The following MRPL13 variants were observed in gnomAD, a reference collection of about 807,000 sequenced individuals.
MRPL13 encodes large ribosomal subunit protein uL13m.
Under a neutral mutation model 29.0 loss-of-function variants are expected in MRPL13, and 33 were observed. The observed-to-expected ratio is 1.14, with a 90% CI of 0.86 to 1.52. MRPL13 has a LOEUF of 1.52. Among genes scored for constraint, MRPL13 ranks in the 40% most tolerant of loss-of-function variants. MRPL13 has a pLI of 0.00. For missense variants in MRPL13, 227 were observed against 216.7 expected (o/e 1.05, Z -0.30); for synonymous variants, 77 against 68.4 (o/e 1.13, Z -0.62).
At chr8:120,409,765 T>C (rs577802057) in intron 6 of MRPL13, among the ~76,000 whole-genome samples, 2 of 152,136 alleles carry the variant, frequency 1.3e-5, no homozygotes, top group Admixed American at 1.3e-4. Context: ...GAATGGGCAA[T>C]AGTACCCATA....
chr8:120,427,010 G>A (rs1313557685), intron 3 of MRPL13, among the ~76,000 whole-genome samples: 2 of 151,970 alleles, frequency 1.3e-5, no homozygotes, highest in South Asian at 2.1e-4. Context: ...AGAAGTAAAT[G>A]TTTATGAAAA....
rs140360132 is a variant in MRPL13 at position 120,411,821 on chromosome 8, A to T, written c.515+2170T>A. Reference sequence around the variant, plus strand: ...GCATCTAGTGGCTCTAAGTTTCTCTAAAAATCTCCTTAAAAATAGCTATAG... The same window carrying T: ...GCATCTAGTGGCTCTAAGTTTCTCTTAAAATCTCCTTAAAAATAGCTATAG... On this transcript the variant is annotated intron_variant, in intron 6 of 6. Coordinates refer to ENST00000306185, the MANE Select transcript of MRPL13 (RefSeq NM_014078.6). Among the ~76,000 whole-genome samples, 28 of 152,262 alleles carry T rather than the reference A, an allele frequency of 1.8e-4. No individual in the cohort carries two copies. The East Asian group carries it at 5.2e-3, about 28-fold the overall frequency.
chr8:120,437,920 C>T (rs904833254), intron 2 of MRPL13, among the ~76,000 whole-genome samples: 5 of 152,050 alleles, frequency 3.3e-5, no homozygotes, highest in African/African-American at 9.7e-5. Context: ...ATAATATTTG[C>T]TCAATAAATG....
chr8:120,414,005 T>C lies in MRPL13; in HGVS notation c.501A>G (p.Pro167=). 1 of 1,559,452 alleles carries C rather than the reference T, an allele frequency of 6.4e-7. No homozygotes were observed. The highest frequency in any genetic ancestry group is 8.6e-7 in the Non-Finnish European group (1 of 1,159,672). ...EYTQEEIDAF[P]RLWTPPEDYR... is the part of the protein sequence containing the mutation. ...GAAACACTTACGGAGTCCACAATCT[T>C]GGGAAGGCGTCTATTTCTTCTTGTG... Residue 167 remains proline (P), a synonymous_variant, in exon 6 of 7, where the codon CCA becomes CCG. Transcript: ENST00000306185.
intron 6 of MRPL13, among the ~76,000 whole-genome samples, chr8:120,412,807 CAG>C (rs1812754791): frequency 6.6e-6 from 1 of 152,246 alleles, no homozygotes; most frequent in Middle Eastern, 3.4e-3. Context: ...GGCATTCCAG[CAG>C]AGTTAGGAGC....
intron 3 of MRPL13, among the ~76,000 whole-genome samples, chr8:120,430,674 A>C (rs1009033497): frequency 2.0e-5 from 3 of 152,152 alleles, no homozygotes; most frequent in Non-Finnish European, 4.4e-5. Flanking sequence ...TGAAATAGCA[A>C]TATGTTGTCT....
chr8:120,399,179 A>T (rs1812559401), intron 6 of MRPL13, among the ~76,000 whole-genome samples: 1 of 152,166 alleles, frequency 6.6e-6, no homozygotes, highest in African/African-American at 2.4e-5. Flanking sequence ...AAGCAACTTC[A>T]AGACACATAA....
intron 3 of MRPL13, among the ~76,000 whole-genome samples, chr8:120,429,484 C>A (rs371544176): frequency 8.2e-5 from 12 of 146,800 alleles, no homozygotes; most frequent in African/African-American, 2.5e-4. Flanking sequence ...TGTAACTGAA[C>A]TTAAAAGTTA....
chr8:120,415,133 A>G (rs1230692726), intron 5 of MRPL13: 1 of 152,230 alleles, frequency 6.6e-6, no homozygotes, highest in East Asian at 1.9e-4. Context: ...GAACATTTAT[A>G]TTGTACTCAT....
At chr8:120,409,966 T>C (rs2130458086) in intron 6 of MRPL13, among the ~76,000 whole-genome samples, 1 of 152,274 alleles carries the variant, frequency 6.6e-6, no homozygotes, top group Admixed American at 6.5e-5. Flanking sequence ...TTTAAAATAA[T>C]TTAAATAAAA....
At chr8:120,421,239 G>A (rs956338604) in intron 4 of MRPL13, among the ~76,000 whole-genome samples, 6 of 151,540 alleles carry the variant, frequency 4.0e-5, no homozygotes, top group Non-Finnish European at 7.4e-5. Context: ...GAAAATATAA[G>A]GACATAGAAC....
chr8:120,395,896 A>T lies in MRPL13; in HGVS notation c.*208T>A, dbSNP rs145494211. 2.5e-4 allele frequency: 117 copies of T among 459,062 alleles called. No homozygotes were observed. Among genetic ancestry groups the T allele is most frequent in the Non-Finnish European group, 3.6e-4 (92 of 258,646 alleles). 28.4% of individuals were successfully genotyped at this position (459,062 alleles called of 1,614,324 possible). The stretch of plus-strand genomic sequence containing the variant: ...TTATCAACTATAACATTCAAATCAG[A>T]TTACATAAAAATGGTTCTATAAAAT... On this transcript the variant is annotated 3_prime_UTR_variant, in exon 7 of 7. Coordinates refer to ENST00000306185, the MANE Select transcript of MRPL13 (RefSeq NM_014078.6).
intron 3 of MRPL13, among the ~76,000 whole-genome samples, chr8:120,427,658 C>T (rs1416842988): frequency 6.6e-6 from 1 of 151,988 alleles, no homozygotes; most frequent in African/African-American, 2.4e-5. Flanking sequence ...CTACAAACTA[C>T]TGCCCAAAGA....
rs1812999978 is a variant in MRPL13, at chr8:120,431,885, G to A, written c.245+145C>T. 9.5e-6 allele frequency: 5 copies of A among 526,538 alleles called. No homozygotes were observed. In the East Asian group the frequency reaches 1.7e-4, roughly 18 times the overall value. 32.6% of individuals were successfully genotyped at this position (526,538 alleles called of 1,614,324 possible). On this transcript the variant is annotated intron_variant, in intron 3 of 6. Coordinates refer to ENST00000306185, the MANE Select transcript of MRPL13 (RefSeq NM_014078.6). ...TATAGTTGTGTGGTTTTTAAAAATTGAGTAAATTATATACATGGCATGAGT... is the reference window on the plus strand; with the variant it reads ...TATAGTTGTGTGGTTTTTAAAAATTAAGTAAATTATATACATGGCATGAGT...
At chr8:120,418,014 C>T (rs1172987499) in intron 5 of MRPL13, among the ~76,000 whole-genome samples, 1 of 152,088 alleles carries the variant, frequency 6.6e-6, no homozygotes, top group Non-Finnish European at 1.5e-5. Context: ...CATTCTTTCC[C>T]TATTCCTTTG....
At chr8:120,421,094 GAAT>G (rs1812868316) in intron 4 of MRPL13, among the ~76,000 whole-genome samples, 2 of 151,882 alleles carry the variant, frequency 1.3e-5, no homozygotes, top group South Asian at 4.1e-4. Flanking sequence ...AAAAAAAATA[GAAT>G]AAGATAAAGT....
At chr8:120,418,578 A>C (rs1323755268) in intron 5 of MRPL13, among the ~76,000 whole-genome samples, 1 of 152,088 alleles carries the variant, frequency 6.6e-6, no homozygotes. Context: ...AACTAGGCTC[A>C]TTTATTTTAT....
intron 2 of MRPL13, among the ~76,000 whole-genome samples, chr8:120,440,387 A>G (rs1037413947): frequency 2.0e-5 from 3 of 152,216 alleles, no homozygotes; most frequent in African/African-American, 7.2e-5. Flanking sequence ...TGGGTGGATC[A>G]CCTGCGGTCA....
chr8:120,433,003 A>G (rs1813014217), intron 2 of MRPL13, among the ~76,000 whole-genome samples: 1 of 152,106 alleles, frequency 6.6e-6, no homozygotes, highest in Non-Finnish European at 1.5e-5. Context: ...ATAAGATTCT[A>G]TGCAGAGCCC....
Sources: allele counts gnomAD v4.1 joint callset (sites outside exome capture counted in the v4.1 genomes callset), GRCh38; gene constraint gnomAD v4.1.1; transcripts MANE v1.5; gene names NCBI Gene and HGNC (gene_info 2026-07-23, HGNC 2026-07-21).